Variants in LINGO2 observed in about 807,000 individuals in gnomAD.
The protein encoded by LINGO2 is leucine rich repeat and Ig domain containing 2, also known as leucine-rich repeat and immunoglobulin-like domain-containing nogo receptor-interacting protein 2.
A neutral mutation model predicts 30.6 loss-of-function variants in LINGO2; 14 were observed. That is an observed-to-expected ratio of 0.46 (90% CI 0.30 to 0.72). The LOEUF (loss-of-function observed/expected upper bound fraction) is 0.72, where lower values mean the gene tolerates loss of function less well. Ranked by LOEUF, LINGO2 falls within the 30% of genes least tolerant of loss-of-function variation. The probability of loss-of-function intolerance (pLI) is 0.07; values close to 1 mark genes in which losing one functional copy is unlikely to be tolerated. For synonymous variants in LINGO2, 317 were observed against 288.5 expected (o/e 1.10, Z -1.00); for missense variants, 729 against 751.7 (o/e 0.97, Z 0.35).
At position 28,125,884 on chromosome 9, in the gene LINGO2, T is replaced by C. The variant is rs16912507; in HGVS notation, c.-86-113479A>G. Among the ~76,000 whole-genome samples, 746 of 152,316 alleles carry C rather than the reference T, an allele frequency of 4.9e-3. 4 individuals are homozygous for C. The highest frequency in any genetic ancestry group is 0.015 in the African/African-American group (632 of 41,578). On this transcript the variant is annotated intron_variant, in intron 4 of 5. Transcript: ENST00000379992. The stretch of plus-strand genomic sequence containing the variant: ...TTTACATTTCCCAAATGTCTCTAAT[T>C]GCCAGCATATTTATCCCATCATTTG...
At chr9:28,641,671 C>T (rs973976463) in intron 1 of LINGO2, among the ~76,000 whole-genome samples, 3 of 152,010 alleles carry the variant, frequency 2.0e-5, no homozygotes, top group South Asian at 2.1e-4. Flanking sequence ...CAGTTATTAT[C>T]GGAAATTTAA....
chr9:28,986,214 ATG>A, the LINGO2 span, among the ~76,000 whole-genome samples: 6 of 151,452 alleles, frequency 4.0e-5, no homozygotes, highest in African/African-American at 1.2e-4. Context: ...CCACTGGCTG[ATG>A]TGTGTGTGTG....
chr9:28,363,976 C>CAA lies in LINGO2; in HGVS notation c.-246+8858_-246+8859dup, dbSNP rs144751973. Among the ~76,000 whole-genome samples the CAA allele has an allele frequency of 5.2e-4, 62 of 118,614 alleles. 2 individuals carry two copies. Among genetic ancestry groups the CAA allele is most frequent in the African/African-American group, 6.8e-4 (24 of 35,302 alleles). The allele number at this position is 118,614 out of a possible 152,430, so 77.8% of individuals were successfully genotyped here. On this transcript the variant is annotated intron_variant, in intron 3 of 5. Coordinates refer to ENST00000379992, the Ensembl canonical transcript of LINGO2. ...TGTTGTAATTGCATTAATTAGGTTA[C>CAA]AAAAAAAAAAAAAAAGATGATGTAT...
At chr9:29,070,056 C>T in the LINGO2 span, among the ~76,000 whole-genome samples, 2 of 149,684 alleles carry the variant, frequency 1.3e-5, no homozygotes, top group African/African-American at 4.9e-5. Flanking sequence ...AAGTACTTTG[C>T]TAAATCTTAT....
chr9:28,290,392 G>A (rs962740798), intron 4 of LINGO2, among the ~76,000 whole-genome samples: 18 of 152,162 alleles, frequency 1.2e-4, no homozygotes, highest in African/African-American at 3.9e-4. Context: ...ACTGCCTGAG[G>A]TCATTCTCTG....
intron 4 of LINGO2, among the ~76,000 whole-genome samples, chr9:28,258,859 C>A (rs571827103): frequency 6.6e-6 from 1 of 151,746 alleles, no homozygotes; most frequent in Admixed American, 6.6e-5. Flanking sequence ...TCTTCTGAAA[C>A]CTGAAAGCCT....
At chr9:28,239,242 G>A (rs928410450) in intron 4 of LINGO2, among the ~76,000 whole-genome samples, 4 of 151,844 alleles carry the variant, frequency 2.6e-5, no homozygotes, top group African/African-American at 9.7e-5. Flanking sequence ...CACTCAGACT[G>A]TTCTGAAAAA....
chr9:28,446,794 C>T (rs1824440123), intron 2 of LINGO2, among the ~76,000 whole-genome samples: 1 of 152,162 alleles, frequency 6.6e-6, no homozygotes, highest in African/African-American at 2.4e-5. Flanking sequence ...AAACAAAATA[C>T]AAGTAAGCAA....
At chr9:28,878,267 A>G in the LINGO2 span, among the ~76,000 whole-genome samples, 1 of 152,032 alleles carries the variant, frequency 6.6e-6, no homozygotes, top group Non-Finnish European at 1.5e-5. Context: ...CGACACATAC[A>G]CCCTCCCAAG....
chr9:28,799,981 T>C, the LINGO2 span, among the ~76,000 whole-genome samples: 1 of 152,124 alleles, frequency 6.6e-6, no homozygotes, highest in Admixed American at 6.6e-5. Context: ...TTTTTTTTCA[T>C]AACAATGACA....
At chr9:28,408,971 T>C (rs1587629543) in intron 2 of LINGO2, among the ~76,000 whole-genome samples, 1 of 152,170 alleles carries the variant, frequency 6.6e-6, no homozygotes, top group East Asian at 1.9e-4. Context: ...AGAAATAAAT[T>C]TCTCCTGCTT....
the LINGO2 span, among the ~76,000 whole-genome samples, chr9:29,092,417 C>G: frequency 0.24 from 35,881 of 151,772 alleles, 4,370 homozygotes; most frequent in East Asian, 0.41. Context: ...AGGTTGTAGA[C>G]ATAAACCAAT....
chr9:28,751,366 C>A, the LINGO2 span, among the ~76,000 whole-genome samples: 1 of 149,744 alleles, frequency 6.7e-6, no homozygotes. Context: ...TGAACCAGAA[C>A]CAGCATGTCC....
intron 4 of LINGO2, among the ~76,000 whole-genome samples, chr9:28,049,617 T>A (rs1044347984): frequency 4.0e-5 from 6 of 150,702 alleles, no homozygotes; most frequent in Non-Finnish European, 7.4e-5. Context: ...TATTCAAATC[T>A]TATCTAAAAA....
the LINGO2 span, among the ~76,000 whole-genome samples, chr9:29,017,057 G>T: frequency 6.6e-6 from 1 of 152,230 alleles, no homozygotes; most frequent in South Asian, 2.1e-4. Flanking sequence ...AGAAAAGAAG[G>T]TTAGAGATTC....
chr9:28,313,124 A>AT (rs1824696927), intron 3 of LINGO2, among the ~76,000 whole-genome samples: 1 of 151,736 alleles, frequency 6.6e-6, no homozygotes, highest in South Asian at 2.1e-4. Flanking sequence ...CATTTCCTAT[A>AT]TCGTACAGAC....
At chr9:28,414,574 TC>T (rs1822897358) in intron 2 of LINGO2, among the ~76,000 whole-genome samples, 1 of 152,042 alleles carries the variant, frequency 6.6e-6, no homozygotes. Flanking sequence ...TATTCAAAGT[TC>T]CAACTATTTG....
intron 4 of LINGO2, among the ~76,000 whole-genome samples, chr9:28,161,572 G>C (rs1043043060): frequency 3.9e-5 from 6 of 152,038 alleles, no homozygotes; most frequent in Non-Finnish European, 5.9e-5. Context: ...GAAACTGAGT[G>C]AGCCTCTTAA....
chr9:28,991,240 C>A, the LINGO2 span, among the ~76,000 whole-genome samples: 1 of 150,972 alleles, frequency 6.6e-6, no homozygotes, highest in Non-Finnish European at 1.5e-5. Flanking sequence ...GGAGCCGACG[C>A]GATCAACTGG....
Sources: allele counts gnomAD v4.1 joint callset (sites outside exome capture counted in the v4.1 genomes callset), GRCh38; gene constraint gnomAD v4.1.1; transcripts MANE v1.5; gene names NCBI Gene and HGNC (gene_info 2026-07-23, HGNC 2026-07-21).